SLC22A15: variants seen among roughly 807,000 people sequenced by gnomAD.
SLC22A15 encodes the protein solute carrier family 22 member 15.
SLC22A15 carries 45 observed loss-of-function variants against 62.7 expected under a neutral mutation model. That is an observed-to-expected ratio of 0.72 (90% CI 0.56 to 0.92). The LOEUF is 0.92. SLC22A15 is among the 40% of genes least tolerant of loss of function. The pLI is 0.00. For synonymous variants in SLC22A15, 264 were observed against 267.0 expected, an observed-to-expected ratio of 0.99 and a Z score of 0.11; for missense variants, 622 against 665.6, an observed-to-expected ratio of 0.93 and a Z score of 0.72.
At chr1:116,032,799 A>G (rs1458970963) in intron 6 of SLC22A15, 1 of 208,188 alleles carries the variant, frequency 4.8e-6, no homozygotes, top group African/African-American at 2.4e-5. Context: ...AATACTTACA[A>G]AGTATGTTCA....
intron 3 of SLC22A15, among the ~76,000 whole-genome samples, chr1:116,020,118 G>C (rs751559550): frequency 6.6e-6 from 1 of 152,058 alleles, no homozygotes; most frequent in Admixed American, 6.6e-5. Context: ...GACAAGCTGA[G>C]TATGAGCAAG....
chr1:116,066,442 A>G, intron 10 of SLC22A15, 78 bp from the exon 11 acceptor site: 1 of 1,327,616 alleles, frequency 7.5e-7, no homozygotes, highest in Non-Finnish European at 1.0e-6. Context: ...ACAGTTTTTC[A>G]GTCATGAGAC....
intron 4 of SLC22A15, among the ~76,000 whole-genome samples, chr1:116,026,535 C>T (rs866886050): frequency 3.3e-5 from 5 of 152,250 alleles, no homozygotes; most frequent in Middle Eastern, 3.4e-3. Flanking sequence ...ACCTGAAAAG[C>T]GTATTACCCA....
intron 5 of SLC22A15, among the ~76,000 whole-genome samples, chr1:116,028,935 GTCTT>G (rs981665208): frequency 1.3e-5 from 2 of 152,114 alleles, no homozygotes; most frequent in African/African-American, 4.8e-5. Context: ...ACAAGTCATT[GTCTT>G]TCTTTTTTGA....
chr1:116,011,348 C>T (rs1656243760), intron 2 of SLC22A15, among the ~76,000 whole-genome samples: 1 of 152,014 alleles, frequency 6.6e-6, no homozygotes, highest in Non-Finnish European at 1.5e-5. Context: ...AAGGAAACCC[C>T]CTCAAATTCT....
At position 116,057,620 on chromosome 1, in the gene SLC22A15, C is replaced by T. The variant is rs932947171; in HGVS notation, c.1172-5142C>T. Among the ~76,000 whole-genome samples the T allele has an allele frequency of 1.4e-3, 220 of 152,180 alleles. 2 individuals are homozygous for T. Among genetic ancestry groups the T allele is most frequent in the African/African-American group, 4.7e-3 (196 of 41,522 alleles). ...GACACATGCACACGTATGTTTATTGCGGCACTATTCACAATAGCAAAGACT... is the reference window on the plus strand; with the variant it reads ...GACACATGCACACGTATGTTTATTGTGGCACTATTCACAATAGCAAAGACT... On this transcript the variant is annotated intron_variant, in intron 8 of 11. Coordinates refer to ENST00000369503, the MANE Select transcript of SLC22A15 (RefSeq NM_018420.3).
At chr1:115,978,177 T>C (rs1432972753) in intron 1 of SLC22A15, among the ~76,000 whole-genome samples, 1 of 152,140 alleles carries the variant, frequency 6.6e-6, no homozygotes, top group Non-Finnish European at 1.5e-5. Flanking sequence ...ATACATCCTT[T>C]CTTGAACAAT....
chr1:116,028,965 C>T (rs1189728077), intron 5 of SLC22A15, among the ~76,000 whole-genome samples: 1 of 152,188 alleles, frequency 6.6e-6, no homozygotes, highest in East Asian at 1.9e-4. Flanking sequence ...ACGGCATTCA[C>T]CCATACCCTT....
chr1:115,984,905 T>C (rs540030412), intron 1 of SLC22A15, among the ~76,000 whole-genome samples: 1 of 152,336 alleles, frequency 6.6e-6, no homozygotes, highest in East Asian at 1.9e-4. Context: ...AAAATATTTT[T>C]GTACAGCTAT....
chr1:116,025,612 G>A (rs2101376389), intron 4 of SLC22A15, among the ~76,000 whole-genome samples: 1 of 152,302 alleles, frequency 6.6e-6, no homozygotes, highest in Middle Eastern at 3.4e-3. Context: ...CACAGAAATT[G>A]CCTTTCCATA....
Position 116,019,591 on chromosome 1 carries a change from A to G in SLC22A15, c.310A>G (p.Ile104Val). 6.2e-7 allele frequency: 1 copy of G among 1,600,906 alleles called. No individual in the cohort carries two copies. The highest frequency in any genetic ancestry group is 8.5e-7 in the Non-Finnish European group (1 of 1,176,486). ...FTSIASEWFL[I>V]ANRSYKVSAA... ...TTTTATCTTCCTCTAGTGGTTTTTAATTGCCAACAGATCCTACAAAGTCAG... is the reference window on the plus strand; with the variant it reads ...TTTTATCTTCCTCTAGTGGTTTTTAGTTGCCAACAGATCCTACAAAGTCAG... Residue 104 changes from isoleucine (I) to valine (V), a missense_variant, in exon 3 of 12, where the codon ATT becomes GTT. Transcript: ENST00000369503.
Position 116,062,792 on chromosome 1 carries a change from A to G in SLC22A15, c.1202A>G (p.His401Arg), listed in dbSNP as rs752374051. 1.7e-5 allele frequency: 27 copies of G among 1,613,792 alleles called. No homozygotes were observed. The Admixed American group carries it at 3.7e-4, about 22-fold the overall frequency. ...GGTGTGTTTGCAGTGGTGAACAGCCATTCCTTGTCCTTGCTGGGGAAGCTG... is the reference window on the plus strand; with the variant it reads ...GGTGTGTTTGCAGTGGTGAACAGCCGTTCCTTGTCCTTGCTGGGGAAGCTG... ...DTGVFAVVNS[H>R]SLSLLGKLTI... Residue 401 changes from histidine (H) to arginine (R), a missense_variant, in exon 9 of 12, where the codon CAT becomes CGT. Transcript: ENST00000369503.
chr1:116,066,090 AGGATT>A (rs928566029), intron 10 of SLC22A15, among the ~76,000 whole-genome samples: 5 of 152,304 alleles, frequency 3.3e-5, no homozygotes, highest in South Asian at 4.1e-4. Flanking sequence ...GGCCAATTCC[AGGATT>A]AAGAACTTTA....
At chr1:116,043,668 A>G (rs1657851735) in intron 8 of SLC22A15, among the ~76,000 whole-genome samples, 1 of 152,196 alleles carries the variant, frequency 6.6e-6, no homozygotes. Flanking sequence ...ATGAAAACAA[A>G]CAATGGAGAA....
chr1:115,998,686 T>C (rs1174254252), intron 2 of SLC22A15, among the ~76,000 whole-genome samples: 1 of 152,124 alleles, frequency 6.6e-6, no homozygotes, highest in Non-Finnish European at 1.5e-5. Context: ...TCTTTTTTTC[T>C]TAGTTTAGCT....
chr1:116,042,888 A>T (rs1408555743), intron 8 of SLC22A15, among the ~76,000 whole-genome samples: 1 of 152,218 alleles, frequency 6.6e-6, no homozygotes, highest in Non-Finnish European at 1.5e-5. Context: ...GTGCACACAG[A>T]ACATTTGCCA....
chr1:115,998,648 C>G (rs945377422), intron 2 of SLC22A15, among the ~76,000 whole-genome samples: 5 of 151,912 alleles, frequency 3.3e-5, no homozygotes, highest in African/African-American at 1.2e-4. Context: ...CCTTTTTCAT[C>G]TCTGATTTTA....
intron 9 of SLC22A15, 36 bp from the exon 10 acceptor site, chr1:116,064,400 A>G (rs1362178884): frequency 6.5e-7 from 1 of 1,532,846 alleles, no homozygotes; most frequent in East Asian, 2.3e-5. Context: ...TTCCTCCGCT[A>G]GAACTTACTG....
intron 5 of SLC22A15, among the ~76,000 whole-genome samples, chr1:116,029,703 GC>G (rs1657298131): frequency 1.3e-5 from 2 of 152,180 alleles, no homozygotes; most frequent in Admixed American, 1.3e-4. Flanking sequence ...TCAAATACCA[GC>G]TTTAAAATGA....
Sources: gnomAD v4.1 joint callset for allele counts (sites outside exome capture counted in the v4.1 genomes callset) on GRCh38, gnomAD v4.1.1 for gene constraint, MANE v1.5 for transcripts, NCBI Gene and HGNC (gene_info 2026-07-23, HGNC 2026-07-21) for gene names.